PSD3: variants seen among roughly 807,000 people sequenced by gnomAD.
PSD3 encodes the protein pleckstrin and Sec7 domain containing 3, also known as PH and SEC7 domain-containing protein 3.
Under a neutral mutation model 105.5 loss-of-function variants are expected in PSD3, and 49 were observed. The observed-to-expected ratio is 0.46, with a 90% CI of 0.37 to 0.59. The LOEUF is 0.59. PSD3 is among the 20% of genes least tolerant of loss of function. The pLI, the probability that PSD3 is intolerant of heterozygous loss-of-function variation, is 0.00. For missense variants in PSD3, 1,561 were observed against 1,263.8 expected, an observed-to-expected ratio of 1.24 and a Z score of -3.57; for synonymous variants, 557 against 457.8, an observed-to-expected ratio of 1.22 and a Z score of -2.77.
Position 18,804,646 on chromosome 8 carries a change from T to C in PSD3, c.1830-44A>G, listed in dbSNP as rs113216523. On this transcript the variant is annotated intron_variant, in intron 5 of 15. Transcript: ENST00000327040. ...GACTTGGTTATTGAAAGGTAAACTA[T>C]TTAAAACACACACAAAACAGGAGAG... 3.7e-3 allele frequency: 5,992 copies of C among 1,611,544 alleles called. 134 individuals are homozygous for C. The African/African-American group carries it at 0.045, about 12-fold the overall frequency.
chr8:18,949,636 A>C (rs1227231987), intron 1 of PSD3, among the ~76,000 whole-genome samples: 1 of 152,148 alleles, frequency 6.6e-6, no homozygotes, highest in Non-Finnish European at 1.5e-5. Flanking sequence ...TTCTGTGTAT[A>C]GGACATAAAT....
chr8:18,543,410 C>T (rs539615838), intron 15 of PSD3, among the ~76,000 whole-genome samples: 7 of 152,008 alleles, frequency 4.6e-5, no homozygotes, highest in South Asian at 2.1e-4. Flanking sequence ...GTCAAGAGAT[C>T]GAGACCATCT....
chr8:18,679,215 G>A (rs565261969), intron 9 of PSD3, among the ~76,000 whole-genome samples: 2 of 152,298 alleles, frequency 1.3e-5, no homozygotes, highest in African/African-American at 4.8e-5. Flanking sequence ...GGTCGCAAAG[G>A]GCCATTGTAA....
intron 4 of PSD3, among the ~76,000 whole-genome samples, chr8:18,825,208 AAGTT>A (rs1312637494): frequency 6.6e-6 from 1 of 152,168 alleles, no homozygotes; most frequent in Admixed American, 6.5e-5. Context: ...GAGAACCCAA[AAGTT>A]AGTTATATTT....
At chr8:18,793,557 G>A (rs756211278) in intron 8 of PSD3, among the ~76,000 whole-genome samples, 2 of 152,022 alleles carry the variant, frequency 1.3e-5, no homozygotes, top group Admixed American at 6.6e-5. Context: ...AGACAAACAC[G>A]GCACCAAGGA....
intron 9 of PSD3, among the ~76,000 whole-genome samples, chr8:18,743,233 C>T (rs746205270): frequency 1.7e-4 from 26 of 152,230 alleles, no homozygotes; most frequent in Non-Finnish European, 2.8e-4. Context: ...GTACAAGGGA[C>T]AATCACAGAG....
At chr8:18,672,134 A>T (rs1799820260) in intron 9 of PSD3, among the ~76,000 whole-genome samples, 1 of 152,214 alleles carries the variant, frequency 6.6e-6, no homozygotes, top group African/African-American at 2.4e-5. Flanking sequence ...GGAAAGTAGC[A>T]AGCATGTACC....
chr8:18,677,524 G>T (rs1232114934), intron 9 of PSD3, among the ~76,000 whole-genome samples: 2 of 152,144 alleles, frequency 1.3e-5, no homozygotes, highest in African/African-American at 4.8e-5. Context: ...TGGCCTAGAA[G>T]ACAGAGCAAT....
intron 9 of PSD3, among the ~76,000 whole-genome samples, chr8:18,728,914 C>G (rs1326609081): frequency 1.3e-5 from 2 of 152,144 alleles, no homozygotes; most frequent in Non-Finnish European, 1.5e-5. Flanking sequence ...GTCAGTTCTG[C>G]TTCTCAGTTA....
intron 9 of PSD3, among the ~76,000 whole-genome samples, chr8:18,762,607 T>C (rs1433229267): frequency 6.6e-6 from 1 of 152,292 alleles, no homozygotes; most frequent in East Asian, 1.9e-4. Context: ...TATCTTACAC[T>C]GTAAACACCC....
intron 1 of PSD3, among the ~76,000 whole-genome samples, chr8:19,039,716 G>A (rs964455147): frequency 2.6e-5 from 4 of 152,048 alleles, no homozygotes; most frequent in Non-Finnish European, 5.9e-5. Flanking sequence ...CACATAAACA[G>A]CCTTCAAATG....
intron 8 of PSD3, among the ~76,000 whole-genome samples, chr8:18,783,961 C>A (rs1485581983): frequency 6.6e-6 from 1 of 152,086 alleles, no homozygotes; most frequent in Non-Finnish European, 1.5e-5. Flanking sequence ...TCTTTTAGTT[C>A]CTCTTGTAAA....
intron 1 of PSD3, among the ~76,000 whole-genome samples, chr8:19,004,165 T>A (rs1157033024): frequency 6.6e-6 from 1 of 152,076 alleles, no homozygotes; most frequent in Non-Finnish European, 1.5e-5. Flanking sequence ...AGCAATTCTC[T>A]GTCTAATCCA....
chr8:18,751,889 T>C (rs535621122), intron 9 of PSD3, among the ~76,000 whole-genome samples: 18 of 148,654 alleles, frequency 1.2e-4, no homozygotes, highest in Non-Finnish European at 2.2e-4. Context: ...AAACATTAAC[T>C]GGGATCTGGA....
At chr8:19,037,755 G>T (rs529927607) in intron 1 of PSD3, among the ~76,000 whole-genome samples, 125 of 152,048 alleles carry the variant, frequency 8.2e-4, no homozygotes, top group African/African-American at 3.0e-3. Flanking sequence ...TTGCATCATG[G>T]GTTCCTGATT....
Position 18,632,593 on chromosome 8 carries a change from T to A in PSD3, c.2410+20A>T, listed in dbSNP as rs571455088. 5.4e-5 allele frequency: 86 copies of A among 1,581,860 alleles called. 1 individual carries two copies. The South Asian group carries it at 9.2e-4, about 17-fold the overall frequency. Reference sequence around the variant, plus strand: ...AAGATAAAATAAATGAAATAGAAAATGACAACGCATGATACTTACTCTTCT... The same window carrying A: ...AAGATAAAATAAATGAAATAGAAAAAGACAACGCATGATACTTACTCTTCT... On this transcript the variant is annotated intron_variant, in intron 11 of 15. Transcript: ENST00000327040.
intron 1 of PSD3, among the ~76,000 whole-genome samples, chr8:19,020,879 A>G (rs1358936364): frequency 6.6e-6 from 1 of 152,192 alleles, no homozygotes; most frequent in Non-Finnish European, 1.5e-5. Flanking sequence ...AAGTAACAAG[A>G]TTTAGGATGG....
intron 8 of PSD3, among the ~76,000 whole-genome samples, chr8:18,775,540 C>T (rs753208181): frequency 1.7e-4 from 26 of 152,120 alleles, no homozygotes; most frequent in Non-Finnish European, 3.4e-4. Flanking sequence ...CATTTTAACT[C>T]GGGTAAAATG....
At position 18,663,953 on chromosome 8, in the gene PSD3, C is replaced by G. The variant is rs547891094; in HGVS notation, c.2173-8268G>C. 1.3e-3 allele frequency among the ~76,000 whole-genome samples: 192 copies of G among 152,224 alleles called. 1 individual carries two copies. The highest frequency in any genetic ancestry group is 4.4e-3 in the African/African-American group (183 of 41,506). ...TTCAAACATTTGATTATTATATTTG[C>G]TATGGTAATCAGTGATCTTTGATGT... On this transcript the variant is annotated intron_variant, in intron 9 of 15. Coordinates refer to ENST00000327040, the MANE Select transcript of PSD3 (RefSeq NM_015310.4).
Sources: allele counts gnomAD v4.1 joint callset (sites outside exome capture counted in the v4.1 genomes callset), GRCh38; gene constraint gnomAD v4.1.1; transcripts MANE v1.5; gene names NCBI Gene and HGNC (gene_info 2026-07-23, HGNC 2026-07-21).